ADIG: variants seen among roughly 807,000 people sequenced by gnomAD.
ADIG encodes adipogenin, also known as adipogenesis associated.
ADIG carries 12 observed loss-of-function variants against 10.7 expected under a neutral mutation model. That is an observed-to-expected ratio of 1.12 (90% CI 0.72 to 1.82). The LOEUF is 1.82. ADIG is among the 40% of genes most tolerant of loss of function. ADIG has a pLI of 0.00. For missense variants in ADIG, 72 were observed against 92.5 expected, an observed-to-expected ratio of 0.78 and a Z score of 0.91; for synonymous variants, 32 against 35.6, an observed-to-expected ratio of 0.90 and a Z score of 0.36.
chr20:38,584,116 C>T (rs1183450478), intron 1 of ADIG, among the ~76,000 whole-genome samples: 1 of 151,694 alleles, frequency 6.6e-6, no homozygotes, highest in Non-Finnish European at 1.5e-5. Context: ...CTCCTCAGGG[C>T]AGTTTCAGGC....
In ADIG at chr20:38,588,402, G is replaced by T. The variant is rs1250555241; in HGVS notation, c.*316G>T. ...TCTTAAAGCAGGGCTGGGCCGGAGGGTGTGGGTCCATATTAAAGAAGCAAG... is the reference window on the plus strand; with the variant it reads ...TCTTAAAGCAGGGCTGGGCCGGAGGTTGTGGGTCCATATTAAAGAAGCAAG... On this transcript the variant is annotated 3_prime_UTR_variant, in exon 3 of 3. Coordinates refer to ENST00000537425, the MANE Select transcript of ADIG (RefSeq NM_001393816.1). The T allele has an allele frequency of 3.2e-6, 4 of 1,243,546 alleles. No individual in the cohort carries two copies. Among genetic ancestry groups the T allele is most frequent in the Admixed American group, 5.8e-5 (2 of 34,644 alleles). 77.0% of individuals were successfully genotyped at this position (1,243,546 alleles called of 1,614,324 possible).
intron 1 of ADIG, chr20:38,585,609 G>A: frequency 5.8e-6 from 8 of 1,377,130 alleles, no homozygotes; most frequent in South Asian, 1.3e-5. Flanking sequence ...TATTGTTCGT[G>A]TGTGCGTGTT....
chr20:38,582,444 G>A (rs562409480), intron 1 of ADIG, among the ~76,000 whole-genome samples: 1 of 152,332 alleles, frequency 6.6e-6, no homozygotes, highest in African/African-American at 2.4e-5. Context: ...CTGCTGCTGA[G>A]TGCCATGACC....
At chr20:38,582,927 C>T (rs1601118969) in intron 1 of ADIG, among the ~76,000 whole-genome samples, 1 of 152,166 alleles carries the variant, frequency 6.6e-6, no homozygotes, top group East Asian at 1.9e-4. Context: ...AAGCGATTCT[C>T]CTGCCTCAGC....
At position 38,586,108 on chromosome 20, in the gene ADIG, G is replaced by T; in HGVS notation, c.204G>T (p.Gly68=). Residue 68 remains glycine, a synonymous_variant, in exon 2 of 3, where the codon GGG becomes GGT. Transcript: ENST00000537425. ...GCCCAGCTGAGTTTTGCTGGAAGGG[G>T]ACACTCCACGGCCAAGAGAAGGAGA... ...SKGPAEFCWK[G]TLHGQEKERP... 6.2e-7 allele frequency: 1 copy of T among 1,606,164 alleles called. No homozygotes were observed. Among genetic ancestry groups the T allele is most frequent in the Non-Finnish European group, 8.5e-7 (1 of 1,176,446 alleles).
chr20:38,584,945 T>C (rs1282047824), intron 1 of ADIG, among the ~76,000 whole-genome samples: 1 of 152,206 alleles, frequency 6.6e-6, no homozygotes, highest in African/African-American at 2.4e-5. Context: ...GCCCAGCTAA[T>C]TTTTGTACTT....
intron 2 of ADIG, 87 bp downstream of exon 2, chr20:38,586,248 C>T (rs2088635976): frequency 8.5e-6 from 9 of 1,061,872 alleles, no homozygotes; most frequent in Non-Finnish European, 1.2e-5. Context: ...CTGCCTCCAC[C>T]ATATTAGAGG....
intron 1 of ADIG, among the ~76,000 whole-genome samples, chr20:38,584,240 A>G: frequency 6.6e-6 from 1 of 152,220 alleles, no homozygotes; most frequent in East Asian, 1.9e-4. Context: ...GCACTGAGGC[A>G]AAAATGATAA....
At chr20:38,585,973 C>G (rs2088632456) in intron 1 of ADIG, 56 bp from the exon 2 acceptor site, 2 of 1,521,768 alleles carry the variant, frequency 1.3e-6, no homozygotes. Flanking sequence ...CTTCCTGGGT[C>G]AGGGGTAGGA....
chr20:38,584,801 C>T (rs1034231073), intron 1 of ADIG, among the ~76,000 whole-genome samples: 21 of 150,996 alleles, frequency 1.4e-4, no homozygotes, highest in African/African-American at 7.3e-5. Context: ...TTTTTTGAGA[C>T]GGAGTCTCGC....
At chr20:38,584,580 A>G (rs1466617088) in intron 1 of ADIG, among the ~76,000 whole-genome samples, 1 of 152,216 alleles carries the variant, frequency 6.6e-6, no homozygotes, top group Non-Finnish European at 1.5e-5. Flanking sequence ...ATTTGCATCC[A>G]GTAGCACCAC....
At chr20:38,584,587 C>G (rs1445509178) in intron 1 of ADIG, among the ~76,000 whole-genome samples, 1 of 152,200 alleles carries the variant, frequency 6.6e-6, no homozygotes, top group East Asian at 1.9e-4. Context: ...TCCAGTAGCA[C>G]CACTCCCTGG....
intron 1 of ADIG, among the ~76,000 whole-genome samples, chr20:38,582,430 C>G (rs1157940539): frequency 6.6e-6 from 1 of 152,204 alleles, no homozygotes; most frequent in African/African-American, 2.4e-5. Flanking sequence ...TGACCTCCTA[C>G]CTCCTGCTGC....
chr20:38,588,145 G>A lies in ADIG; in HGVS notation c.*59G>A. 22 of 1,305,012 alleles carry A rather than the reference G, an allele frequency of 1.7e-5. No homozygotes were observed. The highest frequency in any genetic ancestry group is 2.2e-5 in the Non-Finnish European group (22 of 988,892). The allele number at this position is 1,305,012 out of a possible 1,614,324, so 80.8% of individuals were successfully genotyped here. A position where few individuals can be genotyped will look rare whatever the true frequency, so the allele number is the denominator to read the frequency against. ...GCAGGGCAGTGGCAATGGCAGAAGT[G>A]GATGGGAGAGACTTGCCAGGGAGGC... On this transcript the variant is annotated 3_prime_UTR_variant, in exon 3 of 3. Transcript: ENST00000537425.
chr20:38,586,536 AC>A (rs1317597456), intron 2 of ADIG, among the ~76,000 whole-genome samples: 1 of 151,796 alleles, frequency 6.6e-6, no homozygotes, highest in African/African-American at 2.4e-5. Flanking sequence ...CCCACTGGCC[AC>A]CCTATTCGAT....
chr20:38,586,670 G>T (rs1186816030), intron 2 of ADIG, among the ~76,000 whole-genome samples: 2 of 152,090 alleles, frequency 1.3e-5, no homozygotes, highest in Non-Finnish European at 2.9e-5. Context: ...CCAAAATACT[G>T]CCAGACACAT....
rs1368568858 is a variant in ADIG, at chr20:38,588,351, A to G, written c.*265A>G. On this transcript the variant is annotated 3_prime_UTR_variant, in exon 3 of 3. Coordinates refer to ENST00000537425, the MANE Select transcript of ADIG (RefSeq NM_001393816.1). The stretch of plus-strand genomic sequence containing the variant: ...GAGCAGTGAGCAGGCCCATGGGGAG[A>G]AATTGGCCAATTTAATTCAGAGGGG... 7.7e-7 allele frequency: 1 copy of G among 1,300,336 alleles called. No individual in the cohort carries two copies. The highest frequency in any genetic ancestry group is 5.6e-5 in the East Asian group (1 of 17,972). The allele number at this position is 1,300,336 out of a possible 1,614,324, so 80.5% of individuals were successfully genotyped here.
At chr20:38,585,594 T>C in intron 1 of ADIG, 1 of 1,469,902 alleles carries the variant, frequency 6.8e-7, no homozygotes, top group Non-Finnish European at 9.3e-7. Flanking sequence ...AGTTTCCAGG[T>C]GTTTTATTGT....
At chr20:38,585,778 C>A in intron 1 of ADIG, 1 of 607,040 alleles carries the variant, frequency 1.6e-6, no homozygotes, top group Non-Finnish European at 2.9e-6. Flanking sequence ...CATTTGCTCA[C>A]CTCTGTGTCC....
Sources: allele counts gnomAD v4.1 joint callset (sites outside exome capture counted in the v4.1 genomes callset), GRCh38; gene constraint gnomAD v4.1.1; transcripts MANE v1.5; gene names NCBI Gene and HGNC (gene_info 2026-07-23, HGNC 2026-07-21).